CDC42BPA: variants seen among roughly 807,000 people sequenced by gnomAD.
CDC42BPA encodes the protein CDC42 binding protein kinase alpha.
Under a neutral mutation model 223.5 loss-of-function variants are expected in CDC42BPA, and 80 were observed. The observed-to-expected ratio is 0.36, with a 90% CI of 0.30 to 0.43. The LOEUF (loss-of-function observed/expected upper bound fraction) is 0.43. CDC42BPA is among the 20% of genes least tolerant of loss of function. CDC42BPA has a pLI of 1.00. For missense variants in CDC42BPA, 1,743 were observed against 2,099.9 expected (o/e 0.83, Z 3.32); for synonymous variants, 694 against 718.6 (o/e 0.97, Z 0.55).
intron 14 of CDC42BPA, among the ~76,000 whole-genome samples, chr1:227,107,013 T>A (rs977663389): frequency 1.3e-5 from 2 of 152,242 alleles, no homozygotes; most frequent in African/African-American, 4.8e-5. Context: ...GTCCTTTTTT[T>A]ATGATTGTTT....
At chr1:227,107,395 G>C (rs922226134) in intron 14 of CDC42BPA, among the ~76,000 whole-genome samples, 1 of 151,810 alleles carries the variant, frequency 6.6e-6, no homozygotes, top group Non-Finnish European at 1.5e-5. Flanking sequence ...CCTGGAACTT[G>C]GGTGAATTTA....
chr1:227,071,729 A>G lies in CDC42BPA; in HGVS notation c.2827+479T>C, dbSNP rs1294959039. On this transcript the variant is annotated intron_variant, in intron 20 of 36. Coordinates refer to ENST00000366766, the MANE Select transcript of CDC42BPA (RefSeq NM_001394014.1). ...AGTGAATCCCACCCCCCCCCCCCCA[A>G]TTTTTATACATTCTAGGCACATAAA... is the stretch of plus-strand genomic sequence containing the variant. Among the ~76,000 whole-genome samples the G allele has an allele frequency of 1.5e-4, 9 of 58,466 alleles. 1 individual carries two copies. The highest frequency in any genetic ancestry group is 1.9e-4 in the Non-Finnish European group (6 of 31,910). 38.4% of individuals were successfully genotyped at this position (58,466 alleles called of 152,430 possible). A position where few individuals can be genotyped will look rare whatever the true frequency, so the allele number is the denominator to read the frequency against.
chr1:227,183,314 C>T (rs1232879218), intron 5 of CDC42BPA: 1 of 152,178 alleles, frequency 6.6e-6, no homozygotes, highest in Non-Finnish European at 1.5e-5. Context: ...CTCCCTCACA[C>T]TGACTGCCTC....
intron 16 of CDC42BPA, among the ~76,000 whole-genome samples, chr1:227,090,652 A>G (rs1195796240): frequency 6.6e-6 from 1 of 152,096 alleles, no homozygotes; most frequent in Non-Finnish European, 1.5e-5. Context: ...CTCTACTAAA[A>G]GTACAAACAT....
chr1:227,245,284 C>CTTTTTTGTT (rs1680728279), intron 2 of CDC42BPA, among the ~76,000 whole-genome samples: 1 of 81,786 alleles, frequency 1.2e-5, no homozygotes, highest in East Asian at 3.5e-4. Flanking sequence ...TGTCTTGCAT[C>CTTTTTTGTT]TTTTTTTTTT....
Position 226,994,319 on chromosome 1 carries a change from T to A in CDC42BPA, c.5214A>T (p.Lys1738Asn), listed in dbSNP as rs1415443204. The change falls in exon 37 of 37, where the codon AAA (lysine) becomes AAT (asparagine). Residue 1738 changes from lysine to asparagine, a missense_variant. This residue lies in a region of CDC42BPA where 200 missense variants were observed against 192.8 expected (regional missense o/e 1.04). Coordinates refer to ENST00000366766, the MANE Select transcript of CDC42BPA (RefSeq NM_001394014.1). This position sits in a 1 kb window ranked among gnomAD's most constrained non-coding sequence, Gnocchi z 4.0. ...TGCTCTCCAGGGAGAGGCTCTTGGT[T>A]TTTCGGGGTGAAGCTGGGCTTGGGG... is the stretch of plus-strand genomic sequence containing the variant. ...SSPPSPASPR[K>N]TKSLSLESTD... 6.3e-7 allele frequency: 1 copy of A among 1,598,954 alleles called. No individual in the cohort carries two copies. Among genetic ancestry groups the A allele is most frequent in the East Asian group, 2.2e-5 (1 of 44,478 alleles).
intron 30 of CDC42BPA, 115 bp from the exon 31 acceptor site, chr1:227,026,267 G>T (rs7535826): frequency 0.4 from 235,657 of 591,094 alleles, 49,956 homozygotes; most frequent in Non-Finnish European, 0.46. Context: ...AAATCCTATG[G>T]GGCTATCATA....
intron 4 of CDC42BPA, among the ~76,000 whole-genome samples, chr1:227,198,214 G>A (rs996524867): frequency 6.6e-6 from 1 of 151,860 alleles, no homozygotes; most frequent in Non-Finnish European, 1.5e-5. Context: ...ACCTTAGGGG[G>A]TCAAGCTGAG....
chr1:227,033,317 A>G lies in CDC42BPA; in HGVS notation c.3558+17T>C, dbSNP rs567047531. On this transcript the variant is annotated intron_variant, in intron 27 of 36. Transcript: ENST00000366766. ...AAACACATAATTCAGTGATCAAATT[A>G]CAGCATACACACTTACCCTAAATAT... is the stretch of plus-strand genomic sequence containing the variant. 7 of 1,530,580 alleles carry G rather than the reference A, an allele frequency of 4.6e-6. No individual in the cohort carries two copies. Among genetic ancestry groups the G allele is most frequent in the Non-Finnish European group, 4.5e-6 (5 of 1,104,538 alleles). 94.8% of individuals were successfully genotyped at this position (1,530,580 alleles called of 1,614,324 possible).
chr1:227,251,584 C>T (rs1682019836), intron 2 of CDC42BPA, among the ~76,000 whole-genome samples: 1 of 151,952 alleles, frequency 6.6e-6, no homozygotes, highest in African/African-American at 2.4e-5. Flanking sequence ...TGGAGTAGTT[C>T]CACTAATATC....
chr1:227,155,937 A>C (rs894137792), intron 6 of CDC42BPA, among the ~76,000 whole-genome samples: 10 of 152,152 alleles, frequency 6.6e-5, no homozygotes, highest in Admixed American at 5.2e-4. Context: ...TTAGTATCTA[A>C]AAATAAATAA....
At chr1:227,081,168 C>A in intron 16 of CDC42BPA, 151 bp from the exon 17 acceptor site, 1 of 700,692 alleles carries the variant, frequency 1.4e-6, no homozygotes, top group Non-Finnish European at 2.3e-6. Context: ...ATTTGGATAT[C>A]AAGTACTCTG....
rs928034208 is a variant in CDC42BPA, at chr1:226,991,617, A to T, written c.*2651T>A. 5 of 152,154 alleles carry T rather than the reference A, an allele frequency of 3.3e-5. No homozygotes were observed. The highest frequency in any genetic ancestry group is 5.9e-5 in the Non-Finnish European group (4 of 68,034). 9.4% of individuals were successfully genotyped at this position (152,154 alleles called of 1,614,324 possible). A position where few individuals can be genotyped will look rare whatever the true frequency, so the allele number is the denominator to read the frequency against. On this transcript the variant is annotated 3_prime_UTR_variant, in exon 37 of 37. Transcript: ENST00000366766. ...CTTGCCATTGCAGTGGAAAAATCAA[A>T]GAGTGCCATGGTGCAATCCATGGGG...
At chr1:227,205,934 A>G (rs1186475985) in intron 3 of CDC42BPA, among the ~76,000 whole-genome samples, 1 of 152,154 alleles carries the variant, frequency 6.6e-6, no homozygotes, top group African/African-American at 2.4e-5. Flanking sequence ...CTGTAGTCCC[A>G]GCTACTCCCA....
At chr1:227,143,512 A>G (rs939531690) in intron 8 of CDC42BPA, among the ~76,000 whole-genome samples, 1 of 152,108 alleles carries the variant, frequency 6.6e-6, no homozygotes, top group Non-Finnish European at 1.5e-5. Flanking sequence ...TGCATTTCAC[A>G]TTTTTGGGCC....
chr1:227,279,912 G>T (rs192536275), intron 1 of CDC42BPA, among the ~76,000 whole-genome samples: 3 of 152,134 alleles, frequency 2.0e-5, no homozygotes, highest in Non-Finnish European at 4.4e-5. Flanking sequence ...CAAAAAATTA[G>T]CCGGATGTGG....
chr1:227,243,726 A>G (rs1234504463), intron 2 of CDC42BPA, among the ~76,000 whole-genome samples: 1 of 151,678 alleles, frequency 6.6e-6, no homozygotes, highest in African/African-American at 2.4e-5. Flanking sequence ...CTTTGGAGAG[A>G]GGGAAATGCC....
Position 227,317,585 on chromosome 1 carries a change from T to G in CDC42BPA, c.-403A>C. On this transcript the variant is annotated 5_prime_UTR_variant, in exon 1 of 37. Transcript: ENST00000366766. ...CAACGTAATCCTGAAACGAATCCGG[T>G]TGCATCATTAATGAATAAAGTCCGA... The G allele has an allele frequency of 2.5e-6, 1 of 397,012 alleles. No individual in the cohort carries two copies. Among genetic ancestry groups the G allele is most frequent in the Non-Finnish European group, 4.4e-6 (1 of 225,894 alleles). 24.6% of individuals were successfully genotyped at this position (397,012 alleles called of 1,614,324 possible).
Position 227,074,280 on chromosome 1 carries a change from G to T in CDC42BPA, c.2565C>A (p.Ser855=), listed in dbSNP as rs767905076. The T allele has an allele frequency of 1.9e-6, 3 of 1,613,238 alleles. No homozygotes were observed. Among genetic ancestry groups the T allele is most frequent in the Non-Finnish European group, 2.5e-6 (3 of 1,179,416 alleles). The change falls in exon 18 of 37, where the codon TCC becomes TCA. Residue 855 remains serine, a synonymous_variant. Coordinates refer to ENST00000366766, the MANE Select transcript of CDC42BPA (RefSeq NM_001394014.1). The part of the protein sequence containing the change: ...MTEELEALRN[S]SLGTRATDMP... Reference sequence around the variant, plus strand: ...TTACTGTTGCTCGTGTACCCAAGCTGGAATTTCTTAATGCCTCCAATTCTT... The same window carrying T: ...TTACTGTTGCTCGTGTACCCAAGCTTGAATTTCTTAATGCCTCCAATTCTT...
Sources: allele counts gnomAD v4.1 joint callset (sites outside exome capture counted in the v4.1 genomes callset), GRCh38; gene constraint gnomAD v4.1.1; regional missense constraint gnomAD v4.1.1; non-coding constraint Gnocchi (gnomAD v3.1); transcripts MANE v1.5; gene names NCBI Gene and HGNC (gene_info 2026-07-23, HGNC 2026-07-21).